Variants in OTUD7A observed in about 807,000 individuals in gnomAD.
The protein encoded by OTUD7A is OTU domain-containing protein 7A.
A neutral mutation model predicts 65.7 loss-of-function variants in OTUD7A; 12 were observed. The ratio of observed to expected loss-of-function variants is 0.18; its 90% CI spans 0.12 to 0.30. The LOEUF is 0.30. OTUD7A is among the 10% of genes least tolerant of loss of function. The probability of loss-of-function intolerance (pLI) is 1.00; values close to 1 mark genes in which losing one functional copy is unlikely to be tolerated. For synonymous variants in OTUD7A, 641 were observed against 586.3 expected (o/e 1.09, Z -1.35); for missense variants, 1,148 against 1,304.8 (o/e 0.88, Z 1.85).
chr15:31,615,376 A>G (rs1890555757), intron 3 of OTUD7A, among the ~76,000 whole-genome samples: 1 of 152,224 alleles, frequency 6.6e-6, no homozygotes, highest in African/African-American at 2.4e-5. Flanking sequence ...TTTAGTAATG[A>G]CAGAAAAAAG....
chr15:31,751,846 G>A (rs1894645063), intron 1 of OTUD7A, among the ~76,000 whole-genome samples: 1 of 152,136 alleles, frequency 6.6e-6, no homozygotes, highest in African/African-American at 2.4e-5. Flanking sequence ...TAAATATTGG[G>A]TATGCACAGA....
intron 1 of OTUD7A, among the ~76,000 whole-genome samples, chr15:31,828,268 C>T (rs1896846688): frequency 6.6e-6 from 1 of 152,080 alleles, no homozygotes; most frequent in African/African-American, 2.4e-5. Context: ...CTTCCTCAGA[C>T]ATTTGCTTAT....
intron 1 of OTUD7A, among the ~76,000 whole-genome samples, chr15:31,799,719 C>G (rs1205704622): frequency 6.6e-6 from 1 of 152,142 alleles, no homozygotes; most frequent in Non-Finnish European, 1.5e-5. Context: ...ACCACTCACT[C>G]TGTAGTACTT....
chr15:31,820,968 C>T (rs773473338), intron 1 of OTUD7A, among the ~76,000 whole-genome samples: 2 of 151,670 alleles, frequency 1.3e-5, no homozygotes, highest in Non-Finnish European at 2.9e-5. Context: ...CCTCCGAGGC[C>T]CCCAGCCCTA....
At chr15:31,562,938 G>A (rs181012699) in intron 4 of OTUD7A, among the ~76,000 whole-genome samples, 1 of 152,244 alleles carries the variant, frequency 6.6e-6, no homozygotes, top group East Asian at 1.9e-4. Context: ...GGCACACTAT[G>A]GTTTCAGGAA....
intron 1 of OTUD7A, among the ~76,000 whole-genome samples, chr15:31,747,696 G>A (rs1042125649): frequency 1.3e-5 from 2 of 152,176 alleles, no homozygotes; most frequent in African/African-American, 4.8e-5. Flanking sequence ...GAGTGCTAAA[G>A]CTAGTAGATA....
rs1440754548 is a variant in OTUD7A at position 31,483,515 on chromosome 15, C to G, written c.2581G>C (p.Gly861Arg). The change falls in exon 13 of 13, where the codon GGC becomes CGC. Residue 861 changes from glycine to arginine, a missense_variant. Coordinates refer to ENST00000307050, the MANE Select transcript of OTUD7A (RefSeq NM_001382637.1). The stretch of plus-strand genomic sequence containing the variant: ...AGGCCGTCGCGCAGGGCGCCGAAGC[C>G]GTTGGTGTAGGTCTGCGACTTGTGC... ...AEHKSQTYTN[G>R]FGALRDGLEF... is the part of the protein sequence containing the mutation. The G allele has an allele frequency of 2.2e-6, 3 of 1,394,356 alleles. No individual in the cohort carries two copies. Among genetic ancestry groups the G allele is most frequent in the Non-Finnish European group, 2.8e-6 (3 of 1,071,676 alleles). 86.4% of individuals were successfully genotyped at this position (1,394,356 alleles called of 1,614,324 possible). A position where few individuals can be genotyped will look rare whatever the true frequency, so the allele number is the denominator to read the frequency against.
intron 8 of OTUD7A, among the ~76,000 whole-genome samples, chr15:31,504,104 G>A (rs1375344083): frequency 2.0e-5 from 3 of 152,212 alleles, no homozygotes; most frequent in African/African-American, 7.2e-5. Context: ...CTCTGCAGGC[G>A]GAGGCAGCCC....
At chr15:31,502,940 C>G (rs1004737320) in intron 9 of OTUD7A, among the ~76,000 whole-genome samples, 1 of 152,190 alleles carries the variant, frequency 6.6e-6, no homozygotes, top group Non-Finnish European at 1.5e-5. Context: ...CATCCTGATT[C>G]GTAGAGCTCC....
chr15:31,843,222 A>G (rs1021023844), intron 1 of OTUD7A, among the ~76,000 whole-genome samples: 1 of 151,384 alleles, frequency 6.6e-6, no homozygotes, highest in East Asian at 1.9e-4. Context: ...TACCTCCCCA[A>G]CTTCTGGGGG....
intron 3 of OTUD7A, among the ~76,000 whole-genome samples, chr15:31,590,892 G>A (rs974815179): frequency 6.6e-6 from 1 of 152,160 alleles, no homozygotes; most frequent in Non-Finnish European, 1.5e-5. Context: ...ATACCCCCAC[G>A]AGGCTCCCTG....
chr15:31,631,021 T>A (rs920807881), intron 3 of OTUD7A, among the ~76,000 whole-genome samples: 1 of 152,294 alleles, frequency 6.6e-6, no homozygotes, highest in Non-Finnish European at 1.5e-5. Flanking sequence ...AGCACACTGA[T>A]GGGTCTTGAC....
chr15:31,693,838 T>C (rs1246871085), intron 1 of OTUD7A, among the ~76,000 whole-genome samples: 1 of 151,996 alleles, frequency 6.6e-6, no homozygotes, highest in African/African-American at 2.4e-5. Context: ...GTCCCCTACT[T>C]GCCTATGGTC....
At chr15:31,646,325 T>G (rs2141267464) in intron 3 of OTUD7A, among the ~76,000 whole-genome samples, 1 of 152,230 alleles carries the variant, frequency 6.6e-6, no homozygotes, top group Middle Eastern at 3.4e-3. Context: ...TGGGGAGGCT[T>G]TATCCATGCA....
At chr15:31,588,884 C>A (rs550596372) in intron 3 of OTUD7A, among the ~76,000 whole-genome samples, 2 of 152,190 alleles carry the variant, frequency 1.3e-5, no homozygotes, top group African/African-American at 4.8e-5. Flanking sequence ...GGGAGGAGGG[C>A]CTCTTCCTCT....
chr15:31,487,232 T>C lies in OTUD7A; in HGVS notation c.1333A>G (p.Met445Val). The change falls in exon 12 of 13, where the codon ATG (methionine) becomes GTG (valine). Residue 445 changes from methionine to valine, a missense_variant. Transcript: ENST00000307050. This position sits in a 1 kb window ranked among gnomAD's most constrained non-coding sequence, Gnocchi z 6.0. ...EAKLNLLHSY[M>V]NVTWIRIPSE... ...GGGATCCGGATCCACGTCACGTTCATGTAGCTGTGCAGAAGGTTCAGCTTG... is the reference window on the plus strand; with the variant it reads ...GGGATCCGGATCCACGTCACGTTCACGTAGCTGTGCAGAAGGTTCAGCTTG... 1.2e-6 allele frequency: 2 copies of C among 1,614,052 alleles called. No homozygotes were observed. The highest frequency in any genetic ancestry group is 2.2e-5 in the East Asian group (1 of 44,886).
intron 3 of OTUD7A, among the ~76,000 whole-genome samples, chr15:31,585,458 T>G (rs190435355): frequency 6.6e-6 from 1 of 152,376 alleles, no homozygotes. Flanking sequence ...GCTCTGCCTG[T>G]GAGTCATGCT....
At chr15:31,523,947 C>T (rs574857838) in intron 8 of OTUD7A, among the ~76,000 whole-genome samples, 1 of 152,332 alleles carries the variant, frequency 6.6e-6, no homozygotes, top group East Asian at 1.9e-4. Context: ...CGCTCTCTGT[C>T]CGTTACCCCA....
chr15:31,499,561 G>T (rs72724993), intron 10 of OTUD7A, among the ~76,000 whole-genome samples: 20,463 of 152,292 alleles, frequency 0.13, 1,427 homozygotes, highest in Admixed American at 0.2. Context: ...ACTCTGTCCC[G>T]TCCCCACAGT....
Sources: allele counts gnomAD v4.1 joint callset (sites outside exome capture counted in the v4.1 genomes callset), GRCh38; gene constraint gnomAD v4.1.1; non-coding constraint Gnocchi (gnomAD v3.1); transcripts MANE v1.5; gene names NCBI Gene and HGNC (gene_info 2026-07-23, HGNC 2026-07-21).